The following PLD5 variants were observed in gnomAD, a reference collection of about 807,000 sequenced individuals.
The protein encoded by PLD5 is inactive phospholipase D5.
In PLD5, 36 loss-of-function variants were observed where a neutral mutation model predicts 61.1. The ratio of observed to expected loss-of-function variants is 0.59; its 90% CI spans 0.45 to 0.78. PLD5 has a LOEUF of 0.78. PLD5 is among the 30% of genes least tolerant of loss of function. The pLI is 0.00. For synonymous variants in PLD5, 243 were observed against 242.8 expected (o/e 1.00, Z -0.01); for missense variants, 515 against 644.4 (o/e 0.80, Z 2.17).
chr1:242,485,531 A>G (rs1233012010), intron 1 of PLD5, among the ~76,000 whole-genome samples: 3 of 152,214 alleles, frequency 2.0e-5, no homozygotes, highest in Non-Finnish European at 1.5e-5. Flanking sequence ...CTCTTCAAGG[A>G]GAACTACAAA....
chr1:242,133,946 T>C (rs1663502580), intron 5 of PLD5, among the ~76,000 whole-genome samples: 1 of 152,242 alleles, frequency 6.6e-6, no homozygotes, highest in Non-Finnish European at 1.5e-5. Flanking sequence ...TTGAAAATTA[T>C]GCCAAAATGC....
chr1:242,281,006 G>A (rs1257676055), intron 3 of PLD5, among the ~76,000 whole-genome samples: 1 of 152,206 alleles, frequency 6.6e-6, no homozygotes, highest in African/African-American at 2.4e-5. Flanking sequence ...TAGAGAGCCA[G>A]GGAAGATGGA....
At chr1:242,312,440 G>A (rs1676755578) in intron 2 of PLD5, among the ~76,000 whole-genome samples, 1 of 151,912 alleles carries the variant, frequency 6.6e-6, no homozygotes, top group African/African-American at 2.4e-5. Context: ...ATACACAGCT[G>A]GTTAATGTCT....
At chr1:242,498,061 T>C (rs565640859) in intron 1 of PLD5, among the ~76,000 whole-genome samples, 2 of 152,236 alleles carry the variant, frequency 1.3e-5, no homozygotes, top group East Asian at 3.9e-4. Flanking sequence ...ACCTCCCGGG[T>C]TTAAGCAATT....
chr1:242,285,036 C>G (rs1674939091), intron 3 of PLD5, among the ~76,000 whole-genome samples: 1 of 152,208 alleles, frequency 6.6e-6, no homozygotes, highest in Non-Finnish European at 1.5e-5. Flanking sequence ...CAGTATGACT[C>G]TACCAGAAGA....
At chr1:242,210,169 CCAAA>C (rs1669713729) in intron 5 of PLD5, among the ~76,000 whole-genome samples, 1 of 152,160 alleles carries the variant, frequency 6.6e-6, no homozygotes, top group South Asian at 2.1e-4. Flanking sequence ...CCAAGATAAG[CCAAA>C]CAGTTTGCCA....
At chr1:242,146,695 G>A (rs1419140295) in intron 5 of PLD5, among the ~76,000 whole-genome samples, 1 of 152,168 alleles carries the variant, frequency 6.6e-6, no homozygotes, top group East Asian at 1.9e-4. Flanking sequence ...ATATTAAAAT[G>A]ACAGCAAGAG....
At chr1:242,118,142 A>G (rs1055882141) in intron 6 of PLD5, among the ~76,000 whole-genome samples, 5 of 152,202 alleles carry the variant, frequency 3.3e-5, no homozygotes, top group African/African-American at 7.2e-5. Context: ...AGGAAAGAGC[A>G]TGGGCTTTGG....
At position 242,247,107 on chromosome 1, in the gene PLD5, C is replaced by T. The variant is rs1331872544; in HGVS notation, c.607+18230G>A. On this transcript the variant is annotated intron_variant, in intron 4 of 9. Coordinates refer to ENST00000536534, the MANE Select transcript of PLD5 (RefSeq NM_001372062.1). ...CACGCCATTCTCCTGCCTCAGCCTC[C>T]CGTGTAGCTGGGACTACAGGCGCCC... is the stretch of plus-strand genomic sequence containing the variant. Among the ~76,000 whole-genome samples, 43 of 151,968 alleles carry T rather than the reference C, an allele frequency of 2.8e-4. 1 individual carries two copies. The highest frequency in any genetic ancestry group is 3.4e-3 in the Middle Eastern group (1 of 294).
At chr1:242,165,185 G>GAA (rs200082078) in intron 5 of PLD5, among the ~76,000 whole-genome samples, 22 of 144,592 alleles carry the variant, frequency 1.5e-4, no homozygotes, top group East Asian at 2.0e-4. Context: ...TTTTACTTAA[G>GAA]AAAAAAAAAA....
chr1:242,117,359 C>T (rs1257044252), intron 6 of PLD5, among the ~76,000 whole-genome samples: 2 of 150,178 alleles, frequency 1.3e-5, no homozygotes, highest in Non-Finnish European at 2.9e-5. Context: ...TCTCTGAATT[C>T]CAGCTCAAAT....
At chr1:242,379,742 C>A (rs1163758403) in intron 1 of PLD5, among the ~76,000 whole-genome samples, 1 of 152,144 alleles carries the variant, frequency 6.6e-6, no homozygotes, top group East Asian at 1.9e-4. Context: ...TATATTACTT[C>A]CCCTAAGTTC....
chr1:242,206,197 C>T (rs1421044062), intron 5 of PLD5, among the ~76,000 whole-genome samples: 1 of 152,212 alleles, frequency 6.6e-6, no homozygotes, highest in African/African-American at 2.4e-5. Context: ...AGAACTACCC[C>T]TTCTTCCTGA....
At chr1:242,104,619 C>T (rs950666234) in intron 8 of PLD5, among the ~76,000 whole-genome samples, 35 of 152,166 alleles carry the variant, frequency 2.3e-4, no homozygotes, top group African/African-American at 8.4e-4. Context: ...TTAATGTATG[C>T]TTCAGTTCCC....
intron 2 of PLD5, among the ~76,000 whole-genome samples, chr1:242,298,727 C>A (rs1466586092): frequency 6.6e-6 from 1 of 152,166 alleles, no homozygotes; most frequent in East Asian, 1.9e-4. Context: ...CTTATTCTAG[C>A]AAGGAGCCCC....
chr1:242,337,311 T>C (rs1054824091), intron 2 of PLD5, among the ~76,000 whole-genome samples: 11 of 152,244 alleles, frequency 7.2e-5, no homozygotes, highest in African/African-American at 1.9e-4. Context: ...TTGGATGCTA[T>C]TGGCCTTTGA....
At chr1:242,485,912 A>G (rs1166495856) in intron 1 of PLD5, among the ~76,000 whole-genome samples, 1 of 152,210 alleles carries the variant, frequency 6.6e-6, no homozygotes, top group African/African-American at 2.4e-5. Flanking sequence ...ATAATGACAC[A>G]TATCTACAAC....
intron 3 of PLD5, among the ~76,000 whole-genome samples, chr1:242,270,744 A>C (rs1674013910): frequency 6.6e-6 from 1 of 152,170 alleles, no homozygotes; most frequent in Non-Finnish European, 1.5e-5. Flanking sequence ...TGCAGGAGCC[A>C]AGGCCACCTC....
rs574181468 is a variant in PLD5, at chr1:242,322,340, T to C, written c.326+25766A>G. Among the ~76,000 whole-genome samples, 5 of 152,342 alleles carry C rather than the reference T, an allele frequency of 3.3e-5. No homozygotes were observed. In the South Asian group the frequency reaches 1.0e-3, roughly 32 times the overall value. On this transcript the variant is annotated intron_variant, in intron 2 of 9. Transcript: ENST00000536534. ...TCCACCTGGAACCCTCTTCCCCAGA[T>C]ATCTACCTTTTTCAAGTCTTTGTCC...
Sources: gnomAD v4.1 joint callset for allele counts (sites outside exome capture counted in the v4.1 genomes callset) on GRCh38, gnomAD v4.1.1 for gene constraint, MANE v1.5 for transcripts, NCBI Gene and HGNC (gene_info 2026-07-23, HGNC 2026-07-21) for gene names.